The following PDE7B variants were observed in gnomAD, a reference collection of about 807,000 sequenced individuals.
The protein encoded by PDE7B is phosphodiesterase 7B.
Under a neutral mutation model 56.2 loss-of-function variants are expected in PDE7B, and 29 were observed. The observed-to-expected ratio is 0.52, with a 90% confidence interval of 0.38 to 0.70. PDE7B has a LOEUF of 0.70. Among genes scored for constraint, PDE7B ranks in the 30% least tolerant of loss-of-function variants. PDE7B has a pLI of 0.00. For missense variants in PDE7B, 490 were observed against 565.0 expected, an observed-to-expected ratio of 0.87 and a Z score of 1.35; for synonymous variants, 197 against 196.9, an observed-to-expected ratio of 1.00 and a Z score of 0.00.
chr6:136,034,511 C>A (rs1421473300), intron 2 of PDE7B: 1 of 152,210 alleles, frequency 6.6e-6, no homozygotes, highest in Non-Finnish European at 1.5e-5. Flanking sequence ...AGTGCAGGGG[C>A]TCAGTGGGCC....
intron 2 of PDE7B, among the ~76,000 whole-genome samples, chr6:136,056,778 T>C (rs1175975108): frequency 6.6e-6 from 1 of 152,080 alleles, no homozygotes; most frequent in Non-Finnish European, 1.5e-5. Flanking sequence ...GTGATCCACC[T>C]GCCTCGGCCT....
At chr6:135,882,954 C>T (rs1314356534) in intron 1 of PDE7B, among the ~76,000 whole-genome samples, 1 of 152,130 alleles carries the variant, frequency 6.6e-6, no homozygotes, top group African/African-American at 2.4e-5. Context: ...CAAATATAAT[C>T]TCTTTTTTCA....
At chr6:136,062,329 C>A (rs1776859005) in intron 2 of PDE7B, among the ~76,000 whole-genome samples, 1 of 152,042 alleles carries the variant, frequency 6.6e-6, no homozygotes, top group Non-Finnish European at 1.5e-5. Context: ...ATTAATATAT[C>A]CATCACCTCA....
chr6:136,075,374 T>G (rs1777112786), intron 2 of PDE7B, among the ~76,000 whole-genome samples: 3 of 152,206 alleles, frequency 2.0e-5, no homozygotes, highest in African/African-American at 7.2e-5. Context: ...GAAAACATGC[T>G]GAACTGTATT....
intron 2 of PDE7B, among the ~76,000 whole-genome samples, chr6:136,066,600 G>C (rs1562484523): frequency 6.6e-6 from 1 of 152,112 alleles, no homozygotes; most frequent in Non-Finnish European, 1.5e-5. Context: ...TATGAAAACA[G>C]ATATTTAAAG....
At chr6:136,075,543 G>A (rs896572555) in intron 2 of PDE7B, among the ~76,000 whole-genome samples, 1 of 152,192 alleles carries the variant, frequency 6.6e-6, no homozygotes, top group African/African-American at 2.4e-5. Flanking sequence ...GCTGTAGGGG[G>A]TTTGTGTGCT....
chr6:136,144,677 A>G (rs1583906366), intron 3 of PDE7B, among the ~76,000 whole-genome samples: 1 of 150,248 alleles, frequency 6.7e-6, no homozygotes, highest in African/African-American at 2.4e-5. Context: ...GGTATTCATT[A>G]TTATGAAACA....
At chr6:135,981,262 CAT>C (rs1412782177) in intron 2 of PDE7B, among the ~76,000 whole-genome samples, 5 of 124,990 alleles carry the variant, frequency 4.0e-5, no homozygotes, top group African/African-American at 1.6e-4. Context: ...GGAAGGGGAA[CAT>C]CACACTGTGG....
chr6:136,028,410 C>T (rs1280642063), intron 2 of PDE7B, among the ~76,000 whole-genome samples: 3 of 152,196 alleles, frequency 2.0e-5, no homozygotes, highest in Admixed American at 6.5e-5. Flanking sequence ...AGAAGGACCA[C>T]GTGAGCAGTA....
Position 136,034,749 on chromosome 6 carries a change from C to T in PDE7B, c.83-73982C>T, listed in dbSNP as rs1338451766. On this transcript the variant is annotated intron_variant, in intron 2 of 12. Coordinates refer to ENST00000308191, the MANE Select transcript of PDE7B (RefSeq NM_018945.4). ...CAGCCATCATGATATCCCTCTCCAACCCAGTCACCTGCTCATTGTCAGTAA... is the reference window on the plus strand; with the variant it reads ...CAGCCATCATGATATCCCTCTCCAATCCAGTCACCTGCTCATTGTCAGTAA... The T allele has an allele frequency of 2.4e-5, 4 of 168,020 alleles. 1 individual carries two copies. The highest frequency in any genetic ancestry group is 1.2e-4 in the Admixed American group (2 of 16,702). 10.4% of individuals were successfully genotyped at this position (168,020 alleles called of 1,614,324 possible).
At chr6:136,180,525 C>A (rs1259544474) in intron 10 of PDE7B, among the ~76,000 whole-genome samples, 1 of 152,184 alleles carries the variant, frequency 6.6e-6, no homozygotes, top group Non-Finnish European at 1.5e-5. Context: ...ACATTGCTAT[C>A]TGTTCTGTGA....
At chr6:136,148,858 A>C (rs773947651) in intron 4 of PDE7B, among the ~76,000 whole-genome samples, 12 of 152,214 alleles carry the variant, frequency 7.9e-5, no homozygotes, top group Non-Finnish European at 2.9e-5. Flanking sequence ...CTAAACCTCA[A>C]AAATAACCTA....
At chr6:135,988,532 T>A (rs1206676390) in intron 2 of PDE7B, among the ~76,000 whole-genome samples, 3 of 152,178 alleles carry the variant, frequency 2.0e-5, no homozygotes, top group Non-Finnish European at 4.4e-5. Context: ...TTAAATGATT[T>A]GTATAGGTAT....
chr6:135,868,656 T>G (rs2128186142), intron 1 of PDE7B, among the ~76,000 whole-genome samples: 1 of 152,328 alleles, frequency 6.6e-6, no homozygotes, highest in African/African-American at 2.4e-5. Flanking sequence ...GGTCTTGAAC[T>G]TCTGATCTCA....
intron 2 of PDE7B, among the ~76,000 whole-genome samples, chr6:136,030,150 AGGAAAGACAAT>A (rs1415177719): frequency 6.6e-6 from 1 of 152,244 alleles, no homozygotes; most frequent in Non-Finnish European, 1.5e-5. Flanking sequence ...AGAAAGAATC[AGGAAAGACAAT>A]GGAAAAAATA....
Position 136,126,390 on chromosome 6 carries a change from G to A in PDE7B, c.166+17576G>A, listed in dbSNP as rs543883903. Among the ~76,000 whole-genome samples the A allele has an allele frequency of 8.1e-4, 123 of 152,334 alleles. 2 individuals are homozygous for A. The Middle Eastern group carries it at 0.031, about 38-fold the overall frequency. On this transcript the variant is annotated intron_variant, in intron 3 of 12. Transcript: ENST00000308191. Reference sequence around the variant, plus strand: ...GAGAACAACCACTATGGAAAACAGTGTGGAGATTCCTTAAAGAACTAAAAG... The same window carrying A: ...GAGAACAACCACTATGGAAAACAGTATGGAGATTCCTTAAAGAACTAAAAG...
At chr6:136,137,336 T>C (rs968942725) in intron 3 of PDE7B, among the ~76,000 whole-genome samples, 1 of 152,064 alleles carries the variant, frequency 6.6e-6, no homozygotes, top group Non-Finnish European at 1.5e-5. Context: ...AGCAAGAAAT[T>C]TTATTAGAAT....
At chr6:135,948,888 TAGATAGATAGAC>T (rs56881265) in intron 2 of PDE7B, among the ~76,000 whole-genome samples, 1,887 of 69,170 alleles carry the variant, frequency 0.027, 14 homozygotes, top group African/African-American at 0.047. Context: ...GATAGATAGA[TAGATAGATAGAC>T]AGACAGACAG....
At chr6:135,930,577 A>G (rs1774276209) in intron 1 of PDE7B, among the ~76,000 whole-genome samples, 1 of 152,146 alleles carries the variant, frequency 6.6e-6, no homozygotes, top group Admixed American at 6.6e-5. Flanking sequence ...AGGAAAGCCA[A>G]ATGGATTTGA....
Sources: allele counts gnomAD v4.1 joint callset (sites outside exome capture counted in the v4.1 genomes callset), GRCh38; gene constraint gnomAD v4.1.1; transcripts MANE v1.5; gene names NCBI Gene and HGNC (gene_info 2026-07-23, HGNC 2026-07-21).